CYB5R4: variants seen among roughly 807,000 people sequenced by gnomAD.
The protein encoded by CYB5R4 is cytochrome b5 reductase 4.
A neutral mutation model predicts 70.2 loss-of-function variants in CYB5R4; 55 were observed. The observed-to-expected ratio is 0.78, with a 90% CI of 0.63 to 0.98. The LOEUF is 0.98. Ranked by LOEUF, CYB5R4 falls within the 50% of genes least tolerant of loss-of-function variation. CYB5R4 has a pLI of 0.00. For missense variants in CYB5R4, 562 were observed against 612.6 expected (o/e 0.92, Z 0.87); for synonymous variants, 197 against 199.5 (o/e 0.99, Z 0.11).
In CYB5R4 at chr6:83,934,457, A is replaced by AT. The variant is rs564104162; in HGVS notation, c.815-132dup. On this transcript the variant is annotated intron_variant, in intron 10 of 15. Coordinates refer to ENST00000369681, the MANE Select transcript of CYB5R4 (RefSeq NM_016230.4). ...AAAATTAACCTTAAAATATTGATTAATTTTTTAAATGTATAGGCATTTTAG... is the reference window on the plus strand; with the variant it reads ...AAAATTAACCTTAAAATATTGATTAATTTTTTTAAATGTATAGGCATTTTAG... The AT allele has an allele frequency of 1.0e-5, 6 of 577,980 alleles. No individual in the cohort carries two copies. The East Asian group carries it at 1.2e-4, about 11-fold the overall frequency. 35.8% of individuals were successfully genotyped at this position (577,980 alleles called of 1,614,324 possible).
intron 3 of CYB5R4, among the ~76,000 whole-genome samples, chr6:83,897,221 C>G (rs1193823737): frequency 6.6e-6 from 1 of 152,112 alleles, no homozygotes; most frequent in Non-Finnish European, 1.5e-5. Context: ...TCATCCATGT[C>G]CCTACAAAGG....
At position 83,924,520 on chromosome 6, in the gene CYB5R4, G is replaced by A; in HGVS notation, c.742G>A (p.Glu248Lys). 8 of 1,613,162 alleles carry A rather than the reference G, an allele frequency of 5.0e-6. No homozygotes were observed. The highest frequency in any genetic ancestry group is 6.8e-6 in the Non-Finnish European group (8 of 1,179,298). Residue 248 changes from glutamate to lysine, a missense_variant, in exon 10 of 16, where the codon GAG becomes AAG. Physicochemically the swap from Glu to Lys is moderately conservative, Grantham distance 56. Transcript: ENST00000369681. ...GKIEIVLQKK[E>K]NTSWDFLGHP... The stretch of plus-strand genomic sequence containing the variant: ...AATAGAGATTGTTCTACAAAAAAAA[G>A]AGAATACTTCTTGGGACTTTCTTGG...
chr6:83,860,376 A>G (rs1448188490), intron 1 of CYB5R4, among the ~76,000 whole-genome samples: 2 of 152,108 alleles, frequency 1.3e-5, no homozygotes, highest in African/African-American at 2.4e-5. Flanking sequence ...TATCCAAGAC[A>G]TACTGCCTTT....
At chr6:83,861,491 A>T (rs895692994) in intron 1 of CYB5R4, among the ~76,000 whole-genome samples, 1 of 152,230 alleles carries the variant, frequency 6.6e-6, no homozygotes, top group African/African-American at 2.4e-5. Flanking sequence ...GAGAAAAAAA[A>T]TTCGTTTTGG....
Position 83,942,208 on chromosome 6 carries a change from G to A in CYB5R4, c.1346+1607G>A, listed in dbSNP as rs955064089. Among the ~76,000 whole-genome samples the A allele has an allele frequency of 2.0e-5, 3 of 150,914 alleles. No individual in the cohort carries two copies. In the South Asian group the frequency reaches 6.3e-4, roughly 32 times the overall value. On this transcript the variant is annotated intron_variant, in intron 14 of 15. Transcript: ENST00000369681. ...AAGATAGCCAAATAGGAACAGCTCCGGTCTGCAGCTCCCAGCGAGACCAAC... is the reference window on the plus strand; with the variant it reads ...AAGATAGCCAAATAGGAACAGCTCCAGTCTGCAGCTCCCAGCGAGACCAAC...
At chr6:83,899,469 G>T (rs1355316223) in intron 3 of CYB5R4, among the ~76,000 whole-genome samples, 1 of 152,120 alleles carries the variant, frequency 6.6e-6, no homozygotes, top group Non-Finnish European at 1.5e-5. Context: ...TGAGGATGAT[G>T]CTGGCCTCAT....
intron 4 of CYB5R4, among the ~76,000 whole-genome samples, chr6:83,909,691 A>G (rs2099464367): frequency 6.6e-6 from 1 of 152,226 alleles, no homozygotes; most frequent in African/African-American, 2.4e-5. Context: ...TTTGTAAGGC[A>G]GAGAGTTGCC....
intron 3 of CYB5R4, among the ~76,000 whole-genome samples, chr6:83,903,720 C>A (rs1032544390): frequency 2.6e-5 from 4 of 151,868 alleles, no homozygotes; most frequent in Admixed American, 6.6e-5. Context: ...TTCAATCTTG[C>A]TACTGGTTAT....
intron 2 of CYB5R4, among the ~76,000 whole-genome samples, chr6:83,867,763 C>T (rs1332178320): frequency 2.0e-5 from 3 of 152,180 alleles, no homozygotes; most frequent in East Asian, 1.9e-4. Context: ...GGGTTTGGAG[C>T]GCAGGCACAT....
chr6:83,943,704 G>A (rs2099470120), intron 14 of CYB5R4, among the ~76,000 whole-genome samples: 2 of 152,020 alleles, frequency 1.3e-5, no homozygotes, highest in Admixed American at 1.3e-4. Context: ...AGGAAGCTAA[G>A]AACCTTGACA....
intron 12 of CYB5R4, among the ~76,000 whole-genome samples, chr6:83,937,401 A>G (rs2099469082): frequency 6.6e-6 from 1 of 152,220 alleles, no homozygotes. Flanking sequence ...ATAAGAATAA[A>G]TATATTTCTT....
At position 83,876,477 on chromosome 6, in the gene CYB5R4, A is replaced by G. The variant is rs1041292259; in HGVS notation, c.229+12149A>G. 2.2e-5 allele frequency among the ~76,000 whole-genome samples: 3 copies of G among 136,272 alleles called. No individual in the cohort carries two copies. The East Asian group carries it at 6.5e-4, about 29-fold the overall frequency. The allele number at this position is 136,272 out of a possible 152,430, so 89.4% of individuals were successfully genotyped here. A position where few individuals can be genotyped will look rare whatever the true frequency, so the allele number is the denominator to read the frequency against. On this transcript the variant is annotated intron_variant, in intron 2 of 15. Transcript: ENST00000369681. ...TTAATGAAACCATTTTTTCTCCACT[A>G]TTATTTTTTATACTTCTTTGCTTTT... is the stretch of plus-strand genomic sequence containing the variant.
chr6:83,936,279 C>G lies in CYB5R4; in HGVS notation c.1011C>G (p.Phe337Leu). 1 of 1,610,384 alleles carries G rather than the reference C, an allele frequency of 6.2e-7. No individual in the cohort carries two copies. The highest frequency in any genetic ancestry group is 8.5e-7 in the Non-Finnish European group (1 of 1,177,638). The change falls in exon 12 of 16, where the codon TTC (phenylalanine) becomes TTG (leucine). Residue 337 changes from phenylalanine to leucine, a missense_variant. Coordinates refer to ENST00000369681, the MANE Select transcript of CYB5R4 (RefSeq NM_016230.4). The stretch of plus-strand genomic sequence containing the variant: ...TATCTGGTTCCTTACTCTCAGAGTT[C>G]AAGGAACCAGTTCTTCCCAACAATA... ...TPVSGSLLSE[F>L]KEPVLPNNKY...
At chr6:83,959,236 C>T (rs1279242775) in intron 15 of CYB5R4, among the ~76,000 whole-genome samples, 1 of 152,112 alleles carries the variant, frequency 6.6e-6, no homozygotes, top group East Asian at 1.9e-4. Flanking sequence ...GTAGCTAGCA[C>T]TCAAAAAGAG....
chr6:83,902,617 T>G (rs1370321700), intron 3 of CYB5R4, among the ~76,000 whole-genome samples: 1 of 152,042 alleles, frequency 6.6e-6, no homozygotes, highest in Non-Finnish European at 1.5e-5. Flanking sequence ...GGGCTGTATG[T>G]TCCTTCTGAT....
chr6:83,876,304 A>C (rs2099458549), intron 2 of CYB5R4, among the ~76,000 whole-genome samples: 1 of 152,106 alleles, frequency 6.6e-6, no homozygotes, highest in South Asian at 2.1e-4. Context: ...CTTAAGGGTC[A>C]TTTTTGTCAT....
chr6:83,915,294 G>A (rs191395047), intron 5 of CYB5R4, among the ~76,000 whole-genome samples: 53 of 152,244 alleles, frequency 3.5e-4, no homozygotes, highest in Admixed American at 9.2e-4. Flanking sequence ...ATTTGCAAAA[G>A]CAAGTTACAG....
Position 83,934,595 on chromosome 6 carries a change from G to C in CYB5R4, c.815G>C (p.Gly272Ala), listed in dbSNP as rs1335274606. ...TAAGAGAAAATGAATCACTTTTTAG[G>C]TTTGTACTACAGAAAGTGCCAGTTA... ...HNSLIPRKDT[G>A]LYYRKCQLIS... The change falls in exon 11 of 16, where the codon GGT becomes GCT. Residue 272 changes from glycine to alanine, a missense_variant and splice_region_variant. Gly to Ala is a moderately conservative substitution (Grantham distance 60). Transcript: ENST00000369681. 2 of 1,603,984 alleles carry C rather than the reference G, an allele frequency of 1.2e-6. No homozygotes were observed. The highest frequency in any genetic ancestry group is 8.5e-7 in the Non-Finnish European group (1 of 1,172,760).
At chr6:83,890,445 G>GT (rs1260559978) in intron 2 of CYB5R4, among the ~76,000 whole-genome samples, 1 of 152,148 alleles carries the variant, frequency 6.6e-6, no homozygotes, top group African/African-American at 2.4e-5. Context: ...AATGGATGAA[G>GT]AGTAGCTTCT....
Sources: gnomAD v4.1 joint callset for allele counts (sites outside exome capture counted in the v4.1 genomes callset) on GRCh38, gnomAD v4.1.1 for gene constraint, MANE v1.5 for transcripts, NCBI Gene and HGNC (gene_info 2026-07-23, HGNC 2026-07-21) for gene names.